DNAH11: variants seen among roughly 807,000 people sequenced by gnomAD.
The protein encoded by DNAH11 is axonemal beta dynein heavy chain 11.
DNAH11 carries 442 observed loss-of-function variants against 526.0 expected under a neutral mutation model. The observed-to-expected ratio is 0.84, with a 90% confidence interval of 0.78 to 0.91. The LOEUF (loss-of-function observed/expected upper bound fraction) is 0.91. Among genes scored for constraint, DNAH11 ranks in the 40% least tolerant of loss-of-function variants. The pLI is 0.00. For synonymous variants in DNAH11, 2,461 were observed against 1,935.9 expected (o/e 1.27, Z -7.12); for missense variants, 6,989 against 5,448.7 (o/e 1.28, Z -8.90).
At chr7:21,887,330 C>G (rs924162989) in intron 76 of DNAH11, among the ~76,000 whole-genome samples, 2 of 152,160 alleles carry the variant, frequency 1.3e-5, no homozygotes, top group African/African-American at 4.8e-5. Context: ...AACATCTTCT[C>G]ACATAAAGCA....
At chr7:21,763,339 CAAA>C (rs1243002469) in intron 54 of DNAH11, among the ~76,000 whole-genome samples, 1 of 10,690 alleles carries the variant, frequency 9.4e-5, no homozygotes, top group African/African-American at 2.9e-4. Context: ...AAGACTGTCT[CAAA>C]AAAAAAAAAA....
chr7:21,853,655 T>C (rs1267869306), intron 67 of DNAH11, among the ~76,000 whole-genome samples: 1 of 152,194 alleles, frequency 6.6e-6, no homozygotes, highest in East Asian at 1.9e-4. Context: ...GCAGTAGTCC[T>C]AGATAAAAGA....
At chr7:21,873,877 A>T (rs921389444) in intron 74 of DNAH11, among the ~76,000 whole-genome samples, 9 of 126,872 alleles carry the variant, frequency 7.1e-5, no homozygotes, top group African/African-American at 2.5e-4. Context: ...TGCAACTTCC[A>T]CCTCCCGGGT....
intron 66 of DNAH11, among the ~76,000 whole-genome samples, chr7:21,850,354 C>CAA (rs34141787): frequency 0.027 from 3,260 of 122,056 alleles, 118 homozygotes; most frequent in African/African-American, 0.082. Flanking sequence ...GACTCTGTCT[C>CAA]AAAAAAAAAA....
At chr7:21,800,524 C>T (rs1024413087) in intron 61 of DNAH11, among the ~76,000 whole-genome samples, 3 of 151,992 alleles carry the variant, frequency 2.0e-5, no homozygotes, top group Admixed American at 6.6e-5. Context: ...CCCAGCTACT[C>T]GGGAGACTGA....
intron 61 of DNAH11, among the ~76,000 whole-genome samples, chr7:21,798,180 T>C (rs1218990520): frequency 2.6e-5 from 4 of 152,190 alleles, no homozygotes; most frequent in Admixed American, 2.0e-4. Flanking sequence ...CATTACAAAC[T>C]TGACTCCTAG....
intron 32 of DNAH11, among the ~76,000 whole-genome samples, chr7:21,686,060 C>A (rs572335457): frequency 6.6e-6 from 1 of 152,164 alleles, no homozygotes; most frequent in Non-Finnish European, 1.5e-5. Flanking sequence ...GTCTGGGAGC[C>A]TTTTCACTCA....
At chr7:21,608,987 TG>T (rs113638101) in intron 20 of DNAH11, among the ~76,000 whole-genome samples, 11 of 152,320 alleles carry the variant, frequency 7.2e-5, no homozygotes, top group African/African-American at 2.2e-4. Context: ...ATTATTGTTC[TG>T]GGCTGGTATG....
At chr7:21,696,592 T>C (rs867313507) in intron 35 of DNAH11, among the ~76,000 whole-genome samples, 6 of 152,244 alleles carry the variant, frequency 3.9e-5, no homozygotes, top group African/African-American at 1.4e-4. Flanking sequence ...TCATACTTTC[T>C]TTCATTTGGG....
rs1335935236 is a variant in DNAH11, at chr7:21,748,760, G to A, written c.8673+18G>A. The A allele has an allele frequency of 6.2e-7, 1 of 1,607,638 alleles. No individual in the cohort carries two copies. The highest frequency in any genetic ancestry group is 8.5e-7 in the Non-Finnish European group (1 of 1,176,332). ...AACTTCGGGTGAGTCAAGGGGACAGGCAGTTCTTCTGACCCTTCTGCTTGG... is the reference window on the plus strand; with the variant it reads ...AACTTCGGGTGAGTCAAGGGGACAGACAGTTCTTCTGACCCTTCTGCTTGG... On this transcript the variant is annotated intron_variant, in intron 52 of 81. Transcript: ENST00000409508.
rs77587142 is a variant in DNAH11 at position 21,608,748 on chromosome 7, G to A, written c.3852+2015G>A. 3.6e-3 allele frequency among the ~76,000 whole-genome samples: 546 copies of A among 152,290 alleles called. 2 individuals carry two copies. Among genetic ancestry groups the A allele is most frequent in the African/African-American group, 9.5e-3 (394 of 41,548 alleles). On this transcript the variant is annotated intron_variant, in intron 20 of 81. Transcript: ENST00000409508. ...TTTTTACTTGACTAACCAACATGCT[G>A]TATGTAAACATTTACTACAGTTACT...
rs1220005032 is a variant in DNAH11 at position 21,647,415 on chromosome 7, ATTTC to A, written c.4944+8362_4944+8365del. On this transcript the variant is annotated intron_variant, in intron 28 of 81. Coordinates refer to ENST00000409508, the MANE Select transcript of DNAH11 (RefSeq NM_001277115.2). Reference sequence around the variant, plus strand: ...CAAGTAAGCAGACAGTGGAGTAGCAATTTCTTTCTTTCTTTTTTTTTTTTTTTTT... The same window carrying A: ...CAAGTAAGCAGACAGTGGAGTAGCAATTTCTTTCTTTTTTTTTTTTTTTTT... Among the ~76,000 whole-genome samples, 162 of 142,334 alleles carry A rather than the reference ATTTC, an allele frequency of 1.1e-3. 1 individual carries two copies. The highest frequency in any genetic ancestry group is 7.1e-3 in the Middle Eastern group (2 of 280). The allele number at this position is 142,334 out of a possible 152,430, so 93.4% of individuals were successfully genotyped here. A position where few individuals can be genotyped will look rare whatever the true frequency, so the allele number is the denominator to read the frequency against.
At position 21,850,325 on chromosome 7, in the gene DNAH11, C is replaced by T. The variant is rs1312672833; in HGVS notation, c.10897-2142C>T. 6.4e-5 allele frequency among the ~76,000 whole-genome samples: 9 copies of T among 140,028 alleles called. No homozygotes were observed. The South Asian group carries it at 2.0e-3, about 31-fold the overall frequency. 91.9% of individuals were successfully genotyped at this position (140,028 alleles called of 152,430 possible). On this transcript the variant is annotated intron_variant, in intron 66 of 81. Transcript: ENST00000409508. ...GACCCGAGATGGCGCCACAGCGCTC[C>T]AGCCTGGGCGACAGAGGAGACTCTG...
intron 46 of DNAH11, among the ~76,000 whole-genome samples, chr7:21,736,580 G>A (rs565582553): frequency 1.3e-5 from 2 of 152,196 alleles, no homozygotes; most frequent in East Asian, 1.9e-4. Flanking sequence ...AGCTATATCA[G>A]TGGAGACTAA....
intron 79 of DNAH11, 35 bp downstream of exon 79, chr7:21,895,034 A>G: frequency 6.4e-7 from 1 of 1,565,392 alleles, no homozygotes; most frequent in Non-Finnish European, 8.8e-7. Context: ...ACTGGCCCTG[A>G]GCAGCCTCGG....
At chr7:21,818,825 GT>G (rs1489097001) in intron 65 of DNAH11, among the ~76,000 whole-genome samples, 1 of 152,072 alleles carries the variant, frequency 6.6e-6, no homozygotes, top group Non-Finnish European at 1.5e-5. Flanking sequence ...GAGTTCATTA[GT>G]GGGTCCCTGA....
At chr7:21,878,945 C>G (rs2128041369) in intron 74 of DNAH11, among the ~76,000 whole-genome samples, 1 of 152,348 alleles carries the variant, frequency 6.6e-6, no homozygotes, top group South Asian at 2.1e-4. Flanking sequence ...ATTTTGGCCT[C>G]TTCCTCCCCT....
intron 25 of DNAH11, among the ~76,000 whole-genome samples, chr7:21,632,910 A>T (rs1464186887): frequency 1.3e-5 from 2 of 152,200 alleles, no homozygotes; most frequent in Non-Finnish European, 1.5e-5. Flanking sequence ...CATGCTGCTG[A>T]TAAAGACATA....
chr7:21,561,441 C>T (rs534265792), intron 5 of DNAH11: 10 of 285,434 alleles, frequency 3.5e-5, no homozygotes, highest in East Asian at 1.4e-4. Context: ...GGCCTTCATT[C>T]GGAGTTAAAA....
Sources: allele counts gnomAD v4.1 joint callset (sites outside exome capture counted in the v4.1 genomes callset), GRCh38; gene constraint gnomAD v4.1.1; transcripts MANE v1.5; gene names NCBI Gene and HGNC (gene_info 2026-07-23, HGNC 2026-07-21).